Variants in RIMS2 observed in about 807,000 individuals in gnomAD.
RIMS2 encodes the protein regulating synaptic membrane exocytosis 2.
A neutral mutation model predicts 174.4 loss-of-function variants in RIMS2; 59 were observed. That is an observed-to-expected ratio of 0.34 (90% CI 0.27 to 0.42). The LOEUF (loss-of-function observed/expected upper bound fraction) is 0.42, where lower values mean the gene tolerates loss of function less well. RIMS2 is among the 10% of genes least tolerant of loss of function. The pLI is 1.00. For missense variants in RIMS2, 1,620 were observed against 1,666.3 expected (o/e 0.97, Z 0.48); for synonymous variants, 606 against 572.5 (o/e 1.06, Z -0.84).
At chr8:103,601,580 T>C (rs747317398) in intron 1 of RIMS2, among the ~76,000 whole-genome samples, 4 of 152,164 alleles carry the variant, frequency 2.6e-5, no homozygotes, top group Non-Finnish European at 4.4e-5. Context: ...GTGTGTTTCT[T>C]GTAGGCAACA....
chr8:103,633,002 G>A (rs528341011), intron 1 of RIMS2, among the ~76,000 whole-genome samples: 16 of 150,696 alleles, frequency 1.1e-4, no homozygotes, highest in African/African-American at 3.7e-4. Context: ...CAAAGTGCTA[G>A]GATTACAGGT....
chr8:103,942,837 A>G, exon 14 of RIMS2: 1 of 1,613,094 alleles, frequency 6.2e-7, no homozygotes, highest in East Asian at 2.2e-5. Context: ...CTTCAGACGC[A>G]TGATGTCTCT....
intron 19 of RIMS2, among the ~76,000 whole-genome samples, chr8:104,026,257 T>G (rs924548185): frequency 2.6e-5 from 4 of 152,206 alleles, no homozygotes; most frequent in Non-Finnish European, 4.4e-5. Context: ...AATATGCAAA[T>G]TTTAGGATAC....
chr8:103,946,519 AAAC>A (rs1254775129), intron 14 of RIMS2, among the ~76,000 whole-genome samples: 3 of 152,242 alleles, frequency 2.0e-5, no homozygotes, highest in South Asian at 4.2e-4. Context: ...AACAAAAACA[AAAC>A]AACAAAAAAA....
chr8:104,084,591 G>T (rs779208917), intron 19 of RIMS2, among the ~76,000 whole-genome samples: 9 of 151,820 alleles, frequency 5.9e-5, no homozygotes, highest in Non-Finnish European at 1.3e-4. Flanking sequence ...TATGAGACGT[G>T]CAATTAAGAA....
At chr8:103,757,004 T>TGA (rs1264504026) in intron 2 of RIMS2, among the ~76,000 whole-genome samples, 14 of 130,502 alleles carry the variant, frequency 1.1e-4, no homozygotes, top group Admixed American at 9.6e-4. Flanking sequence ...TGTGTGTGTG[T>TGA]GTGTGTGAGA....
chr8:104,216,724 A>AAGTGGGATGTAG (rs1435378487), intron 19 of RIMS2, among the ~76,000 whole-genome samples: 1 of 152,206 alleles, frequency 6.6e-6, no homozygotes, highest in Non-Finnish European at 1.5e-5. Context: ...GGCTTATAGT[A>AAGTGGGATGTAG]AGTGGGATGT....
intron 1 of RIMS2, among the ~76,000 whole-genome samples, chr8:103,558,486 A>C (rs1488686449): frequency 6.6e-6 from 1 of 152,128 alleles, no homozygotes. Flanking sequence ...GGCCTCCCAA[A>C]GTATTGGGAT....
chr8:103,583,696 A>T (rs976784638), intron 1 of RIMS2, among the ~76,000 whole-genome samples: 1 of 149,728 alleles, frequency 6.7e-6, no homozygotes, highest in Non-Finnish European at 1.5e-5. Flanking sequence ...AAGACAGGCT[A>T]TTTGAAAATA....
At chr8:104,247,497 C>G (rs1352926433) in intron 20 of RIMS2, among the ~76,000 whole-genome samples, 1 of 152,142 alleles carries the variant, frequency 6.6e-6, no homozygotes, top group Non-Finnish European at 1.5e-5. Flanking sequence ...TTTAAAGGGC[C>G]TATGGCCAAA....
intron 1 of RIMS2, among the ~76,000 whole-genome samples, chr8:103,605,868 G>T (rs1380881940): frequency 1.3e-5 from 2 of 150,772 alleles, no homozygotes; most frequent in African/African-American, 4.9e-5. Context: ...ATTTTTTATT[G>T]CGTCTATTTG....
intron 4 of RIMS2, among the ~76,000 whole-genome samples, chr8:103,906,082 G>A (rs1014922141): frequency 1.3e-5 from 2 of 151,776 alleles, no homozygotes; most frequent in Admixed American, 6.6e-5. Context: ...AATATCCAGT[G>A]GAAACTATTA....
intron 1 of RIMS2, among the ~76,000 whole-genome samples, chr8:103,692,794 A>G (rs1048793651): frequency 1.3e-5 from 2 of 152,054 alleles, no homozygotes; most frequent in Admixed American, 1.3e-4. Context: ...TACTCTTCCA[A>G]GTGAGGGATA....
At chr8:104,234,636 A>T (rs1158644) in intron 19 of RIMS2, among the ~76,000 whole-genome samples, 28,410 of 152,198 alleles carry the variant, frequency 0.19, 2,918 homozygotes, top group Non-Finnish European at 0.23. Flanking sequence ...AAATGTGTTA[A>T]GAATACCAAA....
chr8:103,755,746 G>A (rs1031414382), intron 2 of RIMS2, among the ~76,000 whole-genome samples: 2 of 151,998 alleles, frequency 1.3e-5, no homozygotes, highest in African/African-American at 4.8e-5. Flanking sequence ...TGCTTCACAA[G>A]GTTCTCGTGA....
At chr8:103,589,801 TC>T (rs1202083821) in intron 1 of RIMS2, among the ~76,000 whole-genome samples, 1 of 151,418 alleles carries the variant, frequency 6.6e-6, no homozygotes, top group Non-Finnish European at 1.5e-5. Flanking sequence ...GAACTGGAGA[TC>T]ATTATGTTAA....
intron 1 of RIMS2, among the ~76,000 whole-genome samples, chr8:103,589,370 A>G (rs368613504): frequency 5.9e-5 from 9 of 151,716 alleles, no homozygotes; most frequent in Admixed American, 2.0e-4. Context: ...AATGAAAACT[A>G]TAGTGAGATA....
rs1236795968 is a variant in RIMS2, at chr8:103,868,135, A to G, written c.699-17163A>G. 5.3e-5 allele frequency among the ~76,000 whole-genome samples: 8 copies of G among 152,212 alleles called. No individual in the cohort carries two copies. In the East Asian group the frequency reaches 1.5e-3, roughly 29 times the overall value. ...TGGGATCACAGAGATTGTAACAGCT[A>G]AGTAATTCTTAATTTTTTTAGCAGT... On this transcript the variant is annotated intron_variant, in intron 3 of 23. Coordinates refer to ENST00000504942, the Ensembl canonical transcript of RIMS2.
chr8:103,611,821 A>G (rs1391699578), intron 1 of RIMS2, among the ~76,000 whole-genome samples: 1 of 151,666 alleles, frequency 6.6e-6, no homozygotes, highest in African/African-American at 2.4e-5. Context: ...ATCTTTCTCT[A>G]AGTTTGGGTA....
Sources: gnomAD v4.1 joint callset for allele counts (sites outside exome capture counted in the v4.1 genomes callset) on GRCh38, gnomAD v4.1.1 for gene constraint, MANE v1.5 for transcripts, NCBI Gene and HGNC (gene_info 2026-07-23, HGNC 2026-07-21) for gene names.